The following C3orf20 variants were observed in gnomAD, a reference collection of about 807,000 sequenced individuals.
The protein encoded by C3orf20 is uncharacterized protein C3orf20.
Under a neutral mutation model 88.3 loss-of-function variants are expected in C3orf20, and 76 were observed. The observed-to-expected ratio is 0.86, with a 90% confidence interval of 0.72 to 1.04. The LOEUF is 1.04. C3orf20 is among the 50% of genes least tolerant of loss of function. The pLI is 0.00. For missense variants in C3orf20, 1,056 were observed against 1,123.3 expected, an observed-to-expected ratio of 0.94 and a Z score of 0.86; for synonymous variants, 436 against 437.4, an observed-to-expected ratio of 1.00 and a Z score of 0.04.
intron 12 of C3orf20, among the ~76,000 whole-genome samples, chr3:14,732,138 A>G (rs1215401258): frequency 2.6e-5 from 4 of 152,242 alleles, no homozygotes; most frequent in African/African-American, 9.6e-5. Context: ...CAATTGCTCC[A>G]AATCTTTGTT....
intron 6 of C3orf20, 29 bp downstream of exon 6, chr3:14,703,291 A>G: frequency 1.9e-6 from 3 of 1,612,684 alleles, no homozygotes; most frequent in Non-Finnish European, 2.5e-6. Context: ...GGGTCGGGGG[A>G]GTCAAGGGTT....
intron 9 of C3orf20, 72 bp from the exon 10 acceptor site, chr3:14,721,581 G>C (rs557133220): frequency 6.3e-7 from 1 of 1,576,070 alleles, no homozygotes; most frequent in Non-Finnish European, 8.6e-7. Context: ...TTTGTGCTTC[G>C]TGGTGGGTCA....
intron 10 of C3orf20, among the ~76,000 whole-genome samples, chr3:14,725,061 A>G (rs1186381276): frequency 1.3e-5 from 2 of 152,258 alleles, no homozygotes; most frequent in African/African-American, 4.8e-5. Flanking sequence ...TGTTCCGATC[A>G]TAACCTCTTT....
At chr3:14,722,388 C>A in intron 10 of C3orf20, 1 of 438,814 alleles carries the variant, frequency 2.3e-6, no homozygotes. Flanking sequence ...AGGCTCATGT[C>A]CATCCTGGGG....
intron 12 of C3orf20, among the ~76,000 whole-genome samples, chr3:14,735,145 CTT>C (rs2034665667): frequency 1.3e-5 from 2 of 151,494 alleles, no homozygotes; most frequent in South Asian, 4.1e-4. Flanking sequence ...GTCTTTCAAT[CTT>C]TGTCTTTTAA....
intron 7 of C3orf20, among the ~76,000 whole-genome samples, chr3:14,705,135 C>G (rs560562688): frequency 6.6e-6 from 1 of 152,368 alleles, no homozygotes; most frequent in East Asian, 1.9e-4. Context: ...CAGCTGAGAT[C>G]TGACTGGGCT....
intron 12 of C3orf20, among the ~76,000 whole-genome samples, chr3:14,747,917 T>G (rs1483125970): frequency 6.6e-6 from 1 of 152,064 alleles, no homozygotes; most frequent in Non-Finnish European, 1.5e-5. Context: ...TTGCTGAGAA[T>G]TTTTACATCT....
intron 12 of C3orf20, among the ~76,000 whole-genome samples, chr3:14,752,679 A>T (rs1364794069): frequency 2.6e-5 from 4 of 152,242 alleles, no homozygotes; most frequent in Non-Finnish European, 5.9e-5. Flanking sequence ...TGGGCAAAGG[A>T]TATGAACAGA....
At chr3:14,684,907 G>A (rs2032315691) in intron 4 of C3orf20, among the ~76,000 whole-genome samples, 1 of 152,202 alleles carries the variant, frequency 6.6e-6, no homozygotes, top group Non-Finnish European at 1.5e-5. Flanking sequence ...ATTGCAGGCA[G>A]GCATGGTGGC....
At position 14,772,281 on chromosome 3, in the gene C3orf20, C is replaced by G. The variant is rs1475594833; in HGVS notation, c.2630+80C>G. 1.3e-6 allele frequency: 2 copies of G among 1,575,668 alleles called. No individual in the cohort carries two copies. Among genetic ancestry groups the G allele is most frequent in the Non-Finnish European group, 1.7e-6 (2 of 1,149,706 alleles). ...GGGCTATTTGGCCTTGGGCAAGTCA[C>G]TACCCCCAGGCGTGGCCTGGGTCAT... On this transcript the variant is annotated intron_variant, in intron 16 of 16. Transcript: ENST00000253697. This position sits in a 1 kb window ranked among gnomAD's most constrained non-coding sequence, Gnocchi z 4.2.
intron 10 of C3orf20, among the ~76,000 whole-genome samples, chr3:14,723,632 C>A (rs1450884598): frequency 6.6e-6 from 1 of 152,238 alleles, no homozygotes; most frequent in Non-Finnish European, 1.5e-5. Context: ...ACACAGGTGC[C>A]TGTGAATCCG....
intron 12 of C3orf20, among the ~76,000 whole-genome samples, chr3:14,744,769 A>C (rs950263000): frequency 2.0e-5 from 3 of 151,990 alleles, no homozygotes; most frequent in African/African-American, 7.2e-5. Context: ...ATCAGATCTC[A>C]TGAGATTTAT....
chr3:14,675,690 GTTAT>G (rs113175157), intron 1 of C3orf20, among the ~76,000 whole-genome samples: 17 of 150,470 alleles, frequency 1.1e-4, no homozygotes, highest in African/African-American at 2.9e-4. Context: ...TTTTGTTTTT[GTTAT>G]TTATTTATTT....
intron 4 of C3orf20, among the ~76,000 whole-genome samples, chr3:14,689,637 C>A (rs1434312912): frequency 6.6e-6 from 1 of 152,144 alleles, no homozygotes; most frequent in Non-Finnish European, 1.5e-5. Flanking sequence ...ATAGATGGTT[C>A]TTAATTTCCT....
At chr3:14,740,943 A>T (rs2034881273) in intron 12 of C3orf20, among the ~76,000 whole-genome samples, 1 of 152,230 alleles carries the variant, frequency 6.6e-6, no homozygotes, top group Non-Finnish European at 1.5e-5. Flanking sequence ...CTTCTGTCAG[A>T]TAATTCTAAT....
chr3:14,704,123 A>C (rs1054923999), intron 6 of C3orf20, among the ~76,000 whole-genome samples: 2 of 152,176 alleles, frequency 1.3e-5, no homozygotes, highest in African/African-American at 4.8e-5. Context: ...CTCAGGTGGA[A>C]ATCAGGCAAG....
intron 7 of C3orf20, among the ~76,000 whole-genome samples, chr3:14,707,204 G>A (rs920971611): frequency 7.6e-6 from 1 of 131,498 alleles, no homozygotes; most frequent in Non-Finnish European, 1.5e-5. Flanking sequence ...AGCCGAGATC[G>A]AGCCACTGCA....
At chr3:14,700,963 C>A (rs529238008) in intron 5 of C3orf20, among the ~76,000 whole-genome samples, 12 of 152,194 alleles carry the variant, frequency 7.9e-5, no homozygotes, top group Admixed American at 7.9e-4. Flanking sequence ...CCTGAGGGGA[C>A]GGCAGCTATT....
chr3:14,764,429 G>A (rs192357380), intron 15 of C3orf20, among the ~76,000 whole-genome samples: 34 of 152,182 alleles, frequency 2.2e-4, no homozygotes, highest in African/African-American at 7.9e-4. Flanking sequence ...CCTATAATCC[G>A]TATCTGTGAA....
Sources: gnomAD v4.1 joint callset for allele counts (sites outside exome capture counted in the v4.1 genomes callset) on GRCh38, gnomAD v4.1.1 for gene constraint, Gnocchi (gnomAD v3.1) non-coding constraint, MANE v1.5 for transcripts, NCBI Gene and HGNC (gene_info 2026-07-23, HGNC 2026-07-21) for gene names.